The following MUSK variants were observed in gnomAD, a reference collection of about 807,000 sequenced individuals.
MUSK encodes the protein muscle associated receptor tyrosine kinase.
In MUSK, 55 loss-of-function variants were observed where a neutral mutation model predicts 88.7. The ratio of observed to expected loss-of-function variants is 0.62; its 90% CI spans 0.50 to 0.78. The LOEUF (loss-of-function observed/expected upper bound fraction) is 0.78, where lower values mean the gene tolerates loss of function less well. MUSK is among the 30% of genes least tolerant of loss of function. The pLI is 0.00. For synonymous variants in MUSK, 387 were observed against 391.9 expected (o/e 0.99, Z 0.15); for missense variants, 1,015 against 1,074.3 (o/e 0.94, Z 0.77).
chr9:110,677,285 T>C (rs1464369847), intron 1 of MUSK, among the ~76,000 whole-genome samples: 1 of 152,204 alleles, frequency 6.6e-6, no homozygotes, highest in African/African-American at 2.4e-5. Context: ...TAGTTTCCAC[T>C]TCCTTATCAC....
At chr9:110,702,277 G>A (rs563369957) in intron 5 of MUSK, among the ~76,000 whole-genome samples, 1 of 152,092 alleles carries the variant, frequency 6.6e-6, no homozygotes, top group East Asian at 1.9e-4. Flanking sequence ...TGTTCTAAAG[G>A]TAATGGGACA....
At chr9:110,749,357 C>G (rs564282309) in intron 7 of MUSK, among the ~76,000 whole-genome samples, 1 of 152,196 alleles carries the variant, frequency 6.6e-6, no homozygotes, top group South Asian at 2.1e-4. Context: ...AAAGAGGTAT[C>G]ATTGGAGCAG....
At chr9:110,765,857 A>G (rs1476787172) in intron 8 of MUSK, among the ~76,000 whole-genome samples, 1 of 152,146 alleles carries the variant, frequency 6.6e-6, no homozygotes, top group East Asian at 1.9e-4. Flanking sequence ...TACAGGTGTG[A>G]GCCACCACAC....
At chr9:110,689,989 AATTATAT>A (rs367661419) in intron 3 of MUSK, among the ~76,000 whole-genome samples, 56,666 of 87,360 alleles carry the variant, frequency 0.65, 18,750 homozygotes, top group Middle Eastern at 0.73. Context: ...TAAATATTAT[AATTATAT>A]ATTATATATT....
intron 3 of MUSK, among the ~76,000 whole-genome samples, chr9:110,688,894 T>A (rs1479628145): frequency 1.3e-5 from 2 of 148,780 alleles, no homozygotes; most frequent in Non-Finnish European, 3.0e-5. Context: ...TTGTGTTAAC[T>A]GTTTTATTGT....
intron 1 of MUSK, among the ~76,000 whole-genome samples, chr9:110,678,367 C>T (rs529841588): frequency 6.6e-6 from 1 of 152,178 alleles, no homozygotes; most frequent in Admixed American, 6.5e-5. Flanking sequence ...TCAGTGGATC[C>T]TTCTGGGCTC....
chr9:110,771,079 G>A (rs1054780364), intron 9 of MUSK, among the ~76,000 whole-genome samples: 16 of 150,030 alleles, frequency 1.1e-4, no homozygotes, highest in Admixed American at 2.7e-4. Context: ...TTTGACAAAC[G>A]TATACAACAA....
intron 5 of MUSK, among the ~76,000 whole-genome samples, chr9:110,724,622 A>T (rs1470389310): frequency 6.6e-6 from 1 of 152,044 alleles, no homozygotes; most frequent in Non-Finnish European, 1.5e-5. Flanking sequence ...TTCTCTGTTT[A>T]TAGAATTGGA....
intron 1 of MUSK, among the ~76,000 whole-genome samples, chr9:110,670,948 C>T (rs1474875638): frequency 6.6e-6 from 1 of 151,892 alleles, no homozygotes; most frequent in Non-Finnish European, 1.5e-5. Flanking sequence ...TAGAAAAGAA[C>T]CACAATAAAA....
chr9:110,697,203 T>A, intron 4 of MUSK, 122 bp from the exon 5 acceptor site: 1 of 1,053,998 alleles, frequency 9.5e-7, no homozygotes, highest in Non-Finnish European at 1.4e-6. Flanking sequence ...AAGTGGCCAA[T>A]AAAGGTCAAA....
intron 4 of MUSK, among the ~76,000 whole-genome samples, chr9:110,696,722 T>C (rs2131718156): frequency 6.6e-6 from 1 of 152,194 alleles, no homozygotes; most frequent in Non-Finnish European, 1.5e-5. Context: ...TTCTAGTATT[T>C]CAAAGGACAT....
intron 3 of MUSK, among the ~76,000 whole-genome samples, chr9:110,688,982 A>T (rs1252961827): frequency 6.9e-6 from 1 of 144,902 alleles, no homozygotes; most frequent in Non-Finnish European, 1.5e-5. Flanking sequence ...ATTTAAATAT[A>T]TACAAATATA....
intron 6 of MUSK, among the ~76,000 whole-genome samples, chr9:110,747,221 G>A (rs1323103460): frequency 6.6e-6 from 1 of 152,222 alleles, no homozygotes; most frequent in Non-Finnish European, 1.5e-5. Context: ...GTTCAGAATA[G>A]CCTTATGCGT....
chr9:110,681,108 T>A (rs868329244), intron 1 of MUSK, among the ~76,000 whole-genome samples: 6 of 45,478 alleles, frequency 1.3e-4, no homozygotes, highest in Non-Finnish European at 2.1e-4. Flanking sequence ...ATAATATATA[T>A]TATATATAAT....
At chr9:110,777,154 T>G (rs573148872) in intron 11 of MUSK, among the ~76,000 whole-genome samples, 1 of 152,152 alleles carries the variant, frequency 6.6e-6, no homozygotes, top group East Asian at 1.9e-4. Context: ...TTTAAAAAGG[T>G]CATCACAAAA....
chr9:110,785,545 C>A lies in MUSK; in HGVS notation c.1605C>A (p.Thr535=). ...KNKKRESAAV[T]LTTLPSELLL... ...CCTGCAGAGAATCAGCAGCAGTAAC[C>A]CTCACCACACTGCCTTCTGAGCTCT... Residue 535 remains threonine, a synonymous_variant, in exon 13 of 15, where the codon ACC becomes ACA. Transcript: ENST00000374448. The A allele has an allele frequency of 1.2e-6, 2 of 1,610,376 alleles. No homozygotes were observed. Among genetic ancestry groups the A allele is most frequent in the Non-Finnish European group, 1.7e-6 (2 of 1,177,818 alleles).
intron 1 of MUSK, among the ~76,000 whole-genome samples, chr9:110,669,245 T>C (rs2075926471): frequency 6.6e-6 from 1 of 152,194 alleles, no homozygotes; most frequent in Non-Finnish European, 1.5e-5. Flanking sequence ...GGGCAAAACA[T>C]AAGCATGTAC....
At position 110,800,753 on chromosome 9, in the gene MUSK, T is replaced by C; in HGVS notation, c.2375T>C (p.Leu792Pro). 6.2e-7 allele frequency: 1 copy of C among 1,614,038 alleles called. No homozygotes were observed. Among genetic ancestry groups the C allele is most frequent in the Non-Finnish European group, 8.5e-7 (1 of 1,179,900 alleles). ...GATGTGTGGGCCTATGGCGTGGTCC[T>C]CTGGGAGATCTTCTCCTATGGCCTG... ...ESDVWAYGVV[L>P]WEIFSYGLQP... Residue 792 changes from leucine (L) to proline (P), a missense_variant, in exon 15 of 15, where the codon CTC (leucine) becomes CCC (proline). Physicochemically the swap from Leu to Pro is moderately conservative, Grantham distance 98. Coordinates refer to ENST00000374448, the MANE Select transcript of MUSK (RefSeq NM_005592.4).
chr9:110,707,889 T>G (rs1367898133), intron 5 of MUSK, among the ~76,000 whole-genome samples: 1 of 152,148 alleles, frequency 6.6e-6, no homozygotes, highest in Non-Finnish European at 1.5e-5. Flanking sequence ...ATGGAGAATT[T>G]AAGTGGCTTC....
Sources: allele counts gnomAD v4.1 joint callset (sites outside exome capture counted in the v4.1 genomes callset), GRCh38; gene constraint gnomAD v4.1.1; transcripts MANE v1.5; gene names NCBI Gene and HGNC (gene_info 2026-07-23, HGNC 2026-07-21).